MTSS1: variants seen among roughly 807,000 people sequenced by gnomAD.
MTSS1 encodes the protein MTSS I-BAR domain containing 1.
A neutral mutation model predicts 79.0 loss-of-function variants in MTSS1; 18 were observed. The observed-to-expected ratio is 0.23, with a 90% CI of 0.16 to 0.34. MTSS1 has a LOEUF of 0.34. MTSS1 is among the 10% of genes least tolerant of loss of function. The pLI, the probability that MTSS1 is intolerant of heterozygous loss-of-function variation, is 1.00. For synonymous variants in MTSS1, 341 were observed against 368.6 expected (o/e 0.93, Z 0.86); for missense variants, 815 against 986.2 (o/e 0.83, Z 2.33).
At chr8:124,574,759 G>A (rs1828648393) in intron 6 of MTSS1, among the ~76,000 whole-genome samples, 1 of 152,218 alleles carries the variant, frequency 6.6e-6, no homozygotes, top group African/African-American at 2.4e-5. Flanking sequence ...AATGCTGCCA[G>A]GAGTCAGCAA....
chr8:124,662,621 C>T (rs1245980781), intron 3 of MTSS1, among the ~76,000 whole-genome samples: 1 of 151,936 alleles, frequency 6.6e-6, no homozygotes, highest in African/African-American at 2.4e-5. Flanking sequence ...AAACAGCTAC[C>T]CAAGTGATTC....
At chr8:124,641,509 A>T (rs1305912274) in intron 3 of MTSS1, among the ~76,000 whole-genome samples, 2 of 152,212 alleles carry the variant, frequency 1.3e-5, no homozygotes, top group Admixed American at 6.5e-5. Flanking sequence ...ACATATGGAA[A>T]GTGCCCAGCC....
chr8:124,693,273 G>A (rs555089276), intron 3 of MTSS1, among the ~76,000 whole-genome samples: 3 of 152,244 alleles, frequency 2.0e-5, no homozygotes, highest in African/African-American at 7.2e-5. Flanking sequence ...CGGACAGGTG[G>A]GTTATGGCAA....
rs1830170907 is a variant in MTSS1, at chr8:124,582,226, T to TA, written c.460+2860dup. 6.6e-6 allele frequency among the ~76,000 whole-genome samples: 1 copy of TA among 152,324 alleles called. No individual in the cohort carries two copies. The highest frequency in any genetic ancestry group is 1.5e-5 in the Non-Finnish European group (1 of 68,020). On this transcript the variant is annotated intron_variant, in intron 6 of 13. Transcript: ENST00000518547. This position sits in a 1 kb window ranked among gnomAD's most constrained non-coding sequence, Gnocchi z 4.8. Reference sequence around the variant, plus strand: ...ACAGCCATAGCATATCCCAAGCTGCTAAAAAATGATTTTGAGATAAAACCT... The same window carrying TA: ...ACAGCCATAGCATATCCCAAGCTGCTAAAAAAATGATTTTGAGATAAAACCT...
intron 3 of MTSS1, among the ~76,000 whole-genome samples, chr8:124,662,670 G>A (rs2134415126): frequency 6.6e-6 from 1 of 151,510 alleles, no homozygotes; most frequent in South Asian, 2.1e-4. Flanking sequence ...CTGCTCTAGA[G>A]AGTAAACGAA....
At chr8:124,720,702 G>A (rs554837607) in intron 1 of MTSS1, among the ~76,000 whole-genome samples, 63 of 152,350 alleles carry the variant, frequency 4.1e-4, no homozygotes, top group Non-Finnish European at 4.4e-5. Context: ...TCTAAATACA[G>A]CTCCATAAGG....
intron 1 of MTSS1, among the ~76,000 whole-genome samples, chr8:124,707,686 C>T (rs1017601205): frequency 3.3e-5 from 5 of 150,836 alleles, no homozygotes; most frequent in South Asian, 2.1e-4. Flanking sequence ...CCAGCCTAGG[C>T]GAAAGAGCGA....
chr8:124,657,908 G>A (rs1301293489), intron 3 of MTSS1, among the ~76,000 whole-genome samples: 2 of 152,302 alleles, frequency 1.3e-5, no homozygotes, highest in East Asian at 3.9e-4. Flanking sequence ...AATCTCCACT[G>A]TGATGGTATT....
At chr8:124,639,355 G>C (rs1477580361) in intron 3 of MTSS1, among the ~76,000 whole-genome samples, 1 of 152,142 alleles carries the variant, frequency 6.6e-6, no homozygotes. Context: ...CAAAAGTGTT[G>C]CCTTAATAAG....
In MTSS1 at chr8:124,642,889, G is replaced by A. The variant is rs963111536; in HGVS notation, c.209-51654C>T. Among the ~76,000 whole-genome samples the A allele has an allele frequency of 5.3e-5, 8 of 152,248 alleles. No homozygotes were observed. In the East Asian group the frequency reaches 7.7e-4, roughly 15 times the overall value. On this transcript the variant is annotated intron_variant, in intron 3 of 13. Transcript: ENST00000518547. ...ATTACAGGCATGAGCCACTGCGCCC[G>A]GCTCTTCTGGGTTCTTAAGCACGGT... is the stretch of plus-strand genomic sequence containing the variant.
At chr8:124,717,887 C>T (rs1321305913) in intron 1 of MTSS1, among the ~76,000 whole-genome samples, 15 of 152,146 alleles carry the variant, frequency 9.9e-5, no homozygotes, top group Non-Finnish European at 2.9e-5. Context: ...TAGAGCCCAG[C>T]ACTTAGAACC....
chr8:124,680,993 TTAA>T lies in MTSS1; in HGVS notation c.208+18530_208+18532del, dbSNP rs540787398. Reference sequence around the variant, plus strand: ...AGCTCCTTAACCACCTTTAAGCAAGTTAATAATCTGTTCAGGGCCACCTGAGGA... The same window carrying T: ...AGCTCCTTAACCACCTTTAAGCAAGTTAATCTGTTCAGGGCCACCTGAGGA... On this transcript the variant is annotated intron_variant, in intron 3 of 13. Transcript: ENST00000518547. Among the ~76,000 whole-genome samples the T allele has an allele frequency of 3.9e-5, 6 of 152,136 alleles. No individual in the cohort carries two copies. The East Asian group carries it at 1.2e-3, about 29-fold the overall frequency.
chr8:124,594,138 C>G (rs1428835540), intron 3 of MTSS1, among the ~76,000 whole-genome samples: 1 of 152,206 alleles, frequency 6.6e-6, no homozygotes, highest in Non-Finnish European at 1.5e-5. Flanking sequence ...TGCCCCCACT[C>G]CGTTTCTCTG....
chr8:124,574,165 G>A (rs935531575), intron 6 of MTSS1, among the ~76,000 whole-genome samples: 2 of 152,014 alleles, frequency 1.3e-5, no homozygotes, highest in African/African-American at 2.4e-5. Flanking sequence ...GGCTGGTCTC[G>A]AACTCCTGAC....
intron 3 of MTSS1, among the ~76,000 whole-genome samples, chr8:124,692,998 C>G (rs888119566): frequency 6.6e-6 from 1 of 151,998 alleles, no homozygotes; most frequent in Non-Finnish European, 1.5e-5. Flanking sequence ...CCCAGCATGT[C>G]CCCCGAGGCC....
At chr8:124,622,060 AAGAGAGAGAGAGAGAGAGAG>A (rs55869660) in intron 3 of MTSS1, among the ~76,000 whole-genome samples, 29 of 110,054 alleles carry the variant, frequency 2.6e-4, no homozygotes, top group Non-Finnish European at 4.7e-4. Context: ...CAGAAAGAGA[AAGAGAGAGAGAGAGAGAGAG>A]AGAGAGAGAG....
At chr8:124,718,610 G>A (rs767327962) in intron 1 of MTSS1, among the ~76,000 whole-genome samples, 4 of 152,166 alleles carry the variant, frequency 2.6e-5, no homozygotes, top group African/African-American at 7.2e-5. Flanking sequence ...TAATGGCTGC[G>A]TGCTCGGCTG....
intron 3 of MTSS1, among the ~76,000 whole-genome samples, chr8:124,606,171 GTTT>G (rs11351219): frequency 6.8e-5 from 6 of 88,886 alleles, no homozygotes; most frequent in South Asian, 3.5e-4. Context: ...TTGGTTTTTT[GTTT>G]TTTTTTTTTT....
At chr8:124,705,870 T>C (rs1252251863) in intron 1 of MTSS1, among the ~76,000 whole-genome samples, 1 of 152,174 alleles carries the variant, frequency 6.6e-6, no homozygotes, top group Admixed American at 6.5e-5. Flanking sequence ...CTATCTTCCA[T>C]TCACTAGATG....
Sources: gnomAD v4.1 joint callset for allele counts (sites outside exome capture counted in the v4.1 genomes callset) on GRCh38, gnomAD v4.1.1 for gene constraint, Gnocchi (gnomAD v3.1) non-coding constraint, MANE v1.5 for transcripts, NCBI Gene and HGNC (gene_info 2026-07-23, HGNC 2026-07-21) for gene names.